Variants in SPHK2 observed in about 807,000 individuals in gnomAD.
SPHK2 encodes sphingosine kinase 2.
Under a neutral mutation model 32.3 loss-of-function variants are expected in SPHK2, and 18 were observed. That is an observed-to-expected ratio of 0.56 (90% CI 0.39 to 0.83). The LOEUF (loss-of-function observed/expected upper bound fraction) is 0.83. Among genes scored for constraint, SPHK2 ranks in the 40% least tolerant of loss-of-function variants. SPHK2 has a pLI of 0.00. For missense variants in SPHK2, 850 were observed against 908.7 expected (o/e 0.94, Z 0.83); for synonymous variants, 462 against 417.6 (o/e 1.11, Z -1.30).
In SPHK2 at chr19:48,629,854, C is replaced by T; in HGVS notation, c.*81C>T. The T allele has an allele frequency of 6.8e-7, 1 of 1,480,520 alleles. No individual in the cohort carries two copies. Among genetic ancestry groups the T allele is most frequent in the Non-Finnish European group, 9.0e-7 (1 of 1,115,776 alleles). The allele number at this position is 1,480,520 out of a possible 1,614,324, so 91.7% of individuals were successfully genotyped here. A position where few individuals can be genotyped will look rare whatever the true frequency, so the allele number is the denominator to read the frequency against. On this transcript the variant is annotated 3_prime_UTR_variant, in exon 7 of 7. Transcript: ENST00000245222. ...GCCTGAGCTAGGGGGTGTGGCCTGGCTGCTAGAGTTGTGGTGGCAGGGGCC... is the reference window on the plus strand; with the variant it reads ...GCCTGAGCTAGGGGGTGTGGCCTGGTTGCTAGAGTTGTGGTGGCAGGGGCC...
rs201378907 is a variant in SPHK2 at position 48,629,348 on chromosome 19, G to T, written c.1540G>T (p.Gly514Cys). 1.0e-4 allele frequency: 163 copies of T among 1,612,516 alleles called. No homozygotes were observed. Among genetic ancestry groups the T allele is most frequent in the Admixed American group, 4.5e-4 (27 of 59,984 alleles). Residue 514 changes from glycine to cysteine, a missense_variant, in exon 7 of 7, where the codon GGC (glycine) becomes TGC (cysteine). Transcript: ENST00000245222. ...PDARVGASTCGPPDHLLPPLG... is the reference protein window; with the variant it reads ...PDARVGASTCCPPDHLLPPLG... ...TGCCCGGGTAGGGGCCTCCACCTGC[G>T]GCCCGCCCGACCACCTGCTGCCTCC... is the stretch of plus-strand genomic sequence containing the variant.
At chr19:48,625,419 G>T in intron 2 of SPHK2, 3 of 1,180,592 alleles carry the variant, frequency 2.5e-6, no homozygotes, top group Non-Finnish European at 3.2e-6. Flanking sequence ...TGTCGGGGAG[G>T]TGTGTCTTTC....
chr19:48,624,872 T>A (rs1296826894), intron 2 of SPHK2: 3 of 828,220 alleles, frequency 3.6e-6, no homozygotes, highest in African/African-American at 5.1e-5. Context: ...CCACAGGCGG[T>A]GGGGGGTGGG....
intron 2 of SPHK2, chr19:48,625,196 G>A (rs1277074012): frequency 2.9e-6 from 3 of 1,029,340 alleles, no homozygotes; most frequent in East Asian, 1.1e-4. Context: ...TGCCTGCCTC[G>A]TACCCCTCCT....
chr19:48,628,215 T>A lies in SPHK2; in HGVS notation c.810T>A (p.Pro270=). 6.2e-7 allele frequency: 1 copy of A among 1,613,766 alleles called. No homozygotes were observed. The highest frequency in any genetic ancestry group is 1.3e-5 in the African/African-American group (1 of 75,002). ...ACTGGGAGGAAGCTGTGAAGATGCC[T>A]GTGGGCATCCTCCCCTGCGGCTCGG... The part of the protein sequence containing the change: ...RPDWEEAVKM[P]VGILPCGSGN... Residue 270 remains proline (P), a synonymous_variant, in exon 6 of 7, where the codon CCT becomes CCA. Coordinates refer to ENST00000245222, the MANE Select transcript of SPHK2 (RefSeq NM_020126.5). The surrounding 1 kb of genome is among the most constrained non-coding windows in gnomAD (Gnocchi z 5.2).
chr19:48,630,249 CG>C lies in SPHK2; in HGVS notation c.*480del. The C allele has an allele frequency of 7.8e-7, 1 of 1,276,306 alleles. No individual in the cohort carries two copies. Among genetic ancestry groups the C allele is most frequent in the Non-Finnish European group, 9.9e-7 (1 of 1,011,718 alleles). The allele number at this position is 1,276,306 out of a possible 1,614,324, so 79.1% of individuals were successfully genotyped here. A position where few individuals can be genotyped will look rare whatever the true frequency, so the allele number is the denominator to read the frequency against. On this transcript the variant is annotated 3_prime_UTR_variant, in exon 7 of 7. Transcript: ENST00000245222. This position sits in a 1 kb window ranked among gnomAD's most constrained non-coding sequence, Gnocchi z 4.9. ...ATCAGCCCAGGAGGGGCAGGTTCCCCGGGGCCGGCGCTAGGATTTGCACTAA... is the reference window on the plus strand; with the variant it reads ...ATCAGCCCAGGAGGGGCAGGTTCCCCGGGCCGGCGCTAGGATTTGCACTAA...
chr19:48,630,083 A>G lies in SPHK2; in HGVS notation c.*310A>G. 7.8e-7 allele frequency: 1 copy of G among 1,277,168 alleles called. No individual in the cohort carries two copies. Among genetic ancestry groups the G allele is most frequent in the Non-Finnish European group, 9.9e-7 (1 of 1,011,614 alleles). The allele number at this position is 1,277,168 out of a possible 1,614,324, so 79.1% of individuals were successfully genotyped here. A position where few individuals can be genotyped will look rare whatever the true frequency, so the allele number is the denominator to read the frequency against. On this transcript the variant is annotated 3_prime_UTR_variant, in exon 7 of 7. Coordinates refer to ENST00000245222, the MANE Select transcript of SPHK2 (RefSeq NM_020126.5). This position sits in a 1 kb window ranked among gnomAD's most constrained non-coding sequence, Gnocchi z 4.9. ...TGCCACCTGCTCCTACCCGGCCAGG[A>G]TGGCTGAGGGCGGAGTCTATTTTAC...
At position 48,629,602 on chromosome 19, in the gene SPHK2, G is replaced by T. The variant is rs372052473; in HGVS notation, c.1794G>T (p.Pro598=). ...ERGSHFSLGC[P]QLGYAAARAF... ...GTAGCCACTTCAGCCTGGGCTGTCCGCAGCTGGGCTACGCCGCGGCCCGTG... is the reference window on the plus strand; with the variant it reads ...GTAGCCACTTCAGCCTGGGCTGTCCTCAGCTGGGCTACGCCGCGGCCCGTG... Residue 598 remains proline (P), a synonymous_variant, in exon 7 of 7, where the codon CCG becomes CCT. Coordinates refer to ENST00000245222, the MANE Select transcript of SPHK2 (RefSeq NM_020126.5). 2.5e-6 allele frequency: 4 copies of T among 1,599,014 alleles called. No individual in the cohort carries two copies. The highest frequency in any genetic ancestry group is 3.4e-6 in the Non-Finnish European group (4 of 1,173,296).
chr19:48,625,678 T>G (rs1026806681), intron 2 of SPHK2: 76 of 1,534,186 alleles, frequency 5.0e-5, no homozygotes, highest in Non-Finnish European at 6.6e-5. Context: ...GATTGGATGT[T>G]TGCATGCCCG....
chr19:48,625,005 G>A, intron 2 of SPHK2: 1 of 987,842 alleles, frequency 1.0e-6, no homozygotes, highest in African/African-American at 1.7e-5. Context: ...AGGGCAGGGA[G>A]AGGGCCTGTG....
chr19:48,630,177 C>T lies in SPHK2; in HGVS notation c.*404C>T. The T allele has an allele frequency of 4.0e-6, 5 of 1,247,414 alleles. No individual in the cohort carries two copies. Among genetic ancestry groups the T allele is most frequent in the Non-Finnish European group, 5.0e-6 (5 of 993,904 alleles). 77.3% of individuals were successfully genotyped at this position (1,247,414 alleles called of 1,614,324 possible). On this transcript the variant is annotated 3_prime_UTR_variant, in exon 7 of 7. Coordinates refer to ENST00000245222, the MANE Select transcript of SPHK2 (RefSeq NM_020126.5). The surrounding 1 kb of genome is among the most constrained non-coding windows in gnomAD (Gnocchi z 4.9). ...GCCTCAGTGAGTCGGCCGGTCAGGG[C>T]CCGCAGCCTCGCCCCATCCACTCCG...
At position 48,629,286 on chromosome 19, in the gene SPHK2, T is replaced by C; in HGVS notation, c.1478T>C (p.Ile493Thr). The change falls in exon 7 of 7, where the codon ATT (isoleucine) becomes ACT (threonine). Residue 493 changes from isoleucine to threonine, a missense_variant. By Grantham distance (89) the Ile-to-Thr change is moderately conservative. Around this residue, in one of 2 missense-constraint regions of SPHK2, gnomAD observed 306 missense variants for 268.6 expected, o/e 1.14. Transcript: ENST00000245222. ...HSPVSEGAPV[I>T]PPSSGLPLPT... Reference sequence around the variant, plus strand: ...CCCGTCTCCGAAGGGGCCCCCGTAATTCCCCCATCCTCTGGGCTCCCACTT... The same window carrying C: ...CCCGTCTCCGAAGGGGCCCCCGTAACTCCCCCATCCTCTGGGCTCCCACTT... 1 of 1,613,492 alleles carries C rather than the reference T, an allele frequency of 6.2e-7. No homozygotes were observed. The highest frequency in any genetic ancestry group is 1.1e-5 in the South Asian group (1 of 91,086).
At position 48,626,371 on chromosome 19, in the gene SPHK2, C is replaced by T; in HGVS notation, c.511+9C>T. The T allele has an allele frequency of 6.4e-7, 1 of 1,563,046 alleles. No homozygotes were observed. Among genetic ancestry groups the T allele is most frequent in the East Asian group, 2.2e-5 (1 of 44,450 alleles). ...ACTGCCCGGGGATGGGGGTGAGGTG[C>T]TGGGCAGCTGCTCTATCCTGGAGCC... On this transcript the variant is annotated intron_variant, in intron 3 of 6. Coordinates refer to ENST00000245222, the MANE Select transcript of SPHK2 (RefSeq NM_020126.5).
chr19:48,622,757 CT>C lies in SPHK2; in HGVS notation c.39+2230del, dbSNP rs779108312. ...CAAACTTCTTCCTACATTTGTCTCTCTTTTTTTTTTTTTTTTTTTTTTTTTT... is the reference window on the plus strand; with the variant it reads ...CAAACTTCTTCCTACATTTGTCTCTCTTTTTTTTTTTTTTTTTTTTTTTTT... On this transcript the variant is annotated intron_variant, in intron 2 of 6. Coordinates refer to ENST00000245222, the MANE Select transcript of SPHK2 (RefSeq NM_020126.5). 3.1e-3 allele frequency among the ~76,000 whole-genome samples: 336 copies of C among 108,540 alleles called. 10 individuals carry two copies. The highest frequency in any genetic ancestry group is 4.6e-3 in the Non-Finnish European group (241 of 52,184). 71.2% of individuals were successfully genotyped at this position (108,540 alleles called of 152,430 possible).
chr19:48,621,052 A>T (rs1974387995), intron 2 of SPHK2, among the ~76,000 whole-genome samples: 1 of 152,096 alleles, frequency 6.6e-6, no homozygotes. Context: ...AGTAGCCTCC[A>T]CCATGGCTGG....
At chr19:48,620,748 A>G (rs1273623628) in intron 2 of SPHK2, 195 bp downstream of exon 2, 2 of 531,598 alleles carry the variant, frequency 3.8e-6, no homozygotes, top group African/African-American at 3.8e-5. Context: ...ACATGGTGAA[A>G]CCCCATCTCT....
rs752821246 is a variant in SPHK2, at chr19:48,629,475, C to T, written c.1667C>T (p.Ala556Val). ...PSHLGADLVAAPHARFDDGLV... is the reference protein window; with the variant it reads ...PSHLGADLVAVPHARFDDGLV... ...CACCTAGGCGCTGACCTGGTGGCAG[C>T]TCCGCATGCGCGCTTCGACGACGGC... Residue 556 changes from alanine to valine, a missense_variant, in exon 7 of 7, where the codon GCT becomes GTT. Physicochemically the swap from Ala to Val is moderately conservative, Grantham distance 64. Transcript: ENST00000245222. 6.2e-7 allele frequency: 1 copy of T among 1,607,960 alleles called. No individual in the cohort carries two copies. The highest frequency in any genetic ancestry group is 8.5e-7 in the Non-Finnish European group (1 of 1,178,474).
At chr19:48,626,936 C>A (rs2029962570) in intron 3 of SPHK2, 1 of 151,874 alleles carries the variant, frequency 6.6e-6, no homozygotes, top group Non-Finnish European at 1.5e-5. Flanking sequence ...GAGTTCGAGA[C>A]CAGCCTGGCC....
At position 48,629,081 on chromosome 19, in the gene SPHK2, C is replaced by T. The variant is rs1223848497; in HGVS notation, c.1273C>T (p.Leu425Phe). 1.2e-6 allele frequency: 2 copies of T among 1,613,492 alleles called. No individual in the cohort carries two copies. The highest frequency in any genetic ancestry group is 1.1e-5 in the South Asian group (1 of 91,082). ...PLHRSVSDLP[L>F]PLPQPALASP... ...GCATCGTTCTGTGTCTGACCTGCCT[C>T]TTCCCCTGCCCCAGCCTGCCCTGGC... Residue 425 changes from leucine to phenylalanine, a missense_variant, in exon 7 of 7, where the codon CTT becomes TTT. Leu to Phe is a conservative substitution (Grantham distance 22, BLOSUM62 0). Around this residue, in one of 2 missense-constraint regions of SPHK2, gnomAD observed 544 missense variants for 640.0 expected, o/e 0.85. Transcript: ENST00000245222.
Sources: allele counts gnomAD v4.1 joint callset (sites outside exome capture counted in the v4.1 genomes callset), GRCh38; gene constraint gnomAD v4.1.1; regional missense constraint gnomAD v4.1.1; non-coding constraint Gnocchi (gnomAD v3.1); transcripts MANE v1.5; gene names NCBI Gene and HGNC (gene_info 2026-07-23, HGNC 2026-07-21).